Variants in CRACDL observed in about 807,000 individuals in gnomAD.
CRACDL encodes CRACD like, also known as CRACD-like protein.
CRACDL carries 26 observed loss-of-function variants against 70.6 expected under a neutral mutation model. That is an observed-to-expected ratio of 0.37 (90% confidence interval 0.27 to 0.51). The LOEUF is 0.51. CRACDL is among the 20% of genes least tolerant of loss of function. The probability of loss-of-function intolerance (pLI) is 0.94; values close to 1 mark genes in which losing one functional copy is unlikely to be tolerated. For missense variants in CRACDL, 1,283 were observed against 1,376.9 expected, an observed-to-expected ratio of 0.93 and a Z score of 1.08; for synonymous variants, 618 against 615.2, an observed-to-expected ratio of 1.00 and a Z score of -0.07.
At chr2:98,883,218 C>T (rs1227678287) in intron 1 of CRACDL, among the ~76,000 whole-genome samples, 1 of 152,194 alleles carries the variant, frequency 6.6e-6, no homozygotes, top group Non-Finnish European at 1.5e-5. Flanking sequence ...GCGGGGTGCC[C>T]TAGGGCAGGG....
intron 7 of CRACDL, among the ~76,000 whole-genome samples, chr2:98,812,241 C>A (rs1041901159): frequency 6.6e-6 from 1 of 152,202 alleles, no homozygotes. Flanking sequence ...TCCCAAAGTG[C>A]TGGGATTACA....
intron 7 of CRACDL, among the ~76,000 whole-genome samples, chr2:98,813,102 G>A (rs1322829654): frequency 6.6e-6 from 1 of 151,958 alleles, no homozygotes; most frequent in Non-Finnish European, 1.5e-5. Flanking sequence ...GGACCATTTG[G>A]TTGTGATGTA....
intron 1 of CRACDL, among the ~76,000 whole-genome samples, chr2:98,897,701 A>G (rs1399229385): frequency 1.3e-5 from 2 of 152,244 alleles, no homozygotes; most frequent in East Asian, 3.8e-4. Context: ...CTAGAGGTGC[A>G]TATAATCATG....
rs545834918 is a variant in CRACDL, at chr2:98,933,460, C to G, written c.-11+2478G>C. ...TGAATTAGGCTCTAGAAAAACAGAA[C>G]CATGCACTGGGAACTGAGTATATGA... On this transcript the variant is annotated intron_variant, in intron 1 of 9. Transcript: ENST00000397899. Among the ~76,000 whole-genome samples the G allele has an allele frequency of 3.9e-5, 6 of 152,276 alleles. No individual in the cohort carries two copies. The East Asian group carries it at 1.2e-3, about 29-fold the overall frequency.
Position 98,822,879 on chromosome 2 carries a change from T to C in CRACDL, c.1394A>G (p.Glu465Gly), listed in dbSNP as rs1705136495. The change falls in exon 7 of 10, where the codon GAG (glutamate) becomes GGG (glycine). Residue 465 changes from glutamate to glycine, a missense_variant. By Grantham distance (98) the Glu-to-Gly change is moderately conservative. Around this residue, in one of 2 missense-constraint regions of CRACDL, gnomAD observed 921 missense variants for 881.9 expected, o/e 1.04. Coordinates refer to ENST00000397899, the MANE Select transcript of CRACDL (RefSeq NM_207362.3). The surrounding 1 kb of genome is among the most constrained non-coding windows in gnomAD (Gnocchi z 4.9). ...CCCCGCTCCTCTCTCGGGCTCCGTC[T>C]CCGCTTCTCTCTCGGGCTCAGGCGC... The part of the protein sequence containing the change: ...GPAPEPEREA[E>G]TEPERGAGTE... The C allele has an allele frequency of 6.8e-7, 1 of 1,467,842 alleles. No individual in the cohort carries two copies. Among genetic ancestry groups the C allele is most frequent in the Non-Finnish European group, 8.9e-7 (1 of 1,119,974 alleles). 90.9% of individuals were successfully genotyped at this position (1,467,842 alleles called of 1,614,324 possible).
At chr2:98,924,343 G>T (rs1276860671) in intron 1 of CRACDL, among the ~76,000 whole-genome samples, 1 of 152,170 alleles carries the variant, frequency 6.6e-6, no homozygotes, top group Non-Finnish European at 1.5e-5. Context: ...TCCTGGGCTG[G>T]GGACAAGCAA....
At chr2:98,903,211 T>C (rs1708326152) in intron 1 of CRACDL, among the ~76,000 whole-genome samples, 1 of 152,068 alleles carries the variant, frequency 6.6e-6, no homozygotes, top group Admixed American at 6.5e-5. Flanking sequence ...TTCAGCACCT[T>C]GATCAAAACA....
intron 1 of CRACDL, among the ~76,000 whole-genome samples, chr2:98,935,573 G>A (rs1437895517): frequency 6.6e-6 from 1 of 152,184 alleles, no homozygotes; most frequent in Non-Finnish European, 1.5e-5. Context: ...GAGACAGTGG[G>A]CATAAAGACC....
rs1345148784 is a variant in CRACDL, at chr2:98,852,375, C to T, written c.-10-5565G>A. On this transcript the variant is annotated intron_variant, in intron 1 of 9. Coordinates refer to ENST00000397899, the MANE Select transcript of CRACDL (RefSeq NM_207362.3). ...AGCCTGCTAGAACAAAATCAATAATCTTCGGGACAGCATAGGTTCCAGAGT... is the reference window on the plus strand; with the variant it reads ...AGCCTGCTAGAACAAAATCAATAATTTTCGGGACAGCATAGGTTCCAGAGT... Among the ~76,000 whole-genome samples the T allele has an allele frequency of 2.0e-5, 3 of 152,090 alleles. No homozygotes were observed. The East Asian group carries it at 5.8e-4, about 29-fold the overall frequency.
intron 5 of CRACDL, among the ~76,000 whole-genome samples, chr2:98,830,001 C>A (rs1575360324): frequency 6.6e-6 from 1 of 152,226 alleles, no homozygotes; most frequent in East Asian, 1.9e-4. Context: ...CCCTCCGGAG[C>A]TGTGGGGCAT....
intron 1 of CRACDL, among the ~76,000 whole-genome samples, chr2:98,913,685 A>G (rs1342508261): frequency 6.6e-6 from 1 of 152,184 alleles, no homozygotes; most frequent in East Asian, 1.9e-4. Context: ...CACGGAAAGC[A>G]TGGTCTTCGG....
chr2:98,923,008 G>A (rs2104696205), intron 1 of CRACDL, among the ~76,000 whole-genome samples: 1 of 152,272 alleles, frequency 6.6e-6, no homozygotes, highest in African/African-American at 2.4e-5. Context: ...GGTGGCTTAT[G>A]CCTGTAATCC....
chr2:98,850,698 G>T (rs114996337), intron 1 of CRACDL, among the ~76,000 whole-genome samples: 206 of 152,272 alleles, frequency 1.4e-3, no homozygotes, highest in African/African-American at 4.8e-3. Context: ...CTTACCAGAG[G>T]GCTGAGCCTC....
intron 1 of CRACDL, among the ~76,000 whole-genome samples, chr2:98,878,965 T>G (rs924857612): frequency 6.6e-6 from 1 of 152,226 alleles, no homozygotes; most frequent in African/African-American, 2.4e-5. Flanking sequence ...ATGAATGCTA[T>G]GACCACAGAA....
At chr2:98,878,189 C>T (rs1312771699) in intron 1 of CRACDL, among the ~76,000 whole-genome samples, 1 of 152,180 alleles carries the variant, frequency 6.6e-6, no homozygotes, top group East Asian at 1.9e-4. Context: ...TTGGGTGATC[C>T]ACCTGCCTTG....
chr2:98,827,085 A>C lies in CRACDL; in HGVS notation c.625T>G (p.Phe209Val). The C allele has an allele frequency of 6.2e-7, 1 of 1,614,130 alleles. No homozygotes were observed. Among genetic ancestry groups the C allele is most frequent in the Non-Finnish European group, 8.5e-7 (1 of 1,179,994 alleles). ...SDNSLAPVADFSYPAESSSCL... is the reference protein window; with the variant it reads ...SDNSLAPVADVSYPAESSSCL... ...GAGGAGGATTCTGCAGGATAACTGA[A>C]GTCAGCCACTGGTGCCAGGCTGTTG... Residue 209 changes from phenylalanine (F) to valine (V), a missense_variant, in exon 6 of 10, where the codon TTC becomes GTC. This residue lies in a region of CRACDL where 362 missense variants were observed against 495.0 expected (regional missense o/e 0.73). Transcript: ENST00000397899.
At chr2:98,872,186 C>T (rs183851948) in intron 1 of CRACDL, among the ~76,000 whole-genome samples, 7 of 152,126 alleles carry the variant, frequency 4.6e-5, no homozygotes, top group South Asian at 2.1e-4. Context: ...TGGCCAACAC[C>T]GTCTCCACTA....
intron 6 of CRACDL, among the ~76,000 whole-genome samples, chr2:98,826,268 C>T (rs910620767): frequency 5.9e-5 from 9 of 152,196 alleles, no homozygotes; most frequent in Non-Finnish European, 1.3e-4. Flanking sequence ...TGAGTAGGCC[C>T]TCATCCAAGA....
chr2:98,934,784 TA>T (rs1709167465), intron 1 of CRACDL, among the ~76,000 whole-genome samples: 1 of 152,200 alleles, frequency 6.6e-6, no homozygotes, highest in Admixed American at 6.5e-5. Flanking sequence ...TACAATATTT[TA>T]AAACATCAAA....
Sources: allele counts gnomAD v4.1 joint callset (sites outside exome capture counted in the v4.1 genomes callset), GRCh38; gene constraint gnomAD v4.1.1; regional missense constraint gnomAD v4.1.1; non-coding constraint Gnocchi (gnomAD v3.1); transcripts MANE v1.5; gene names NCBI Gene and HGNC (gene_info 2026-07-23, HGNC 2026-07-21).